Variants in ZNF577 observed in about 807,000 individuals in gnomAD.
ZNF577 encodes zinc finger protein 577.
Under a neutral mutation model 13.9 loss-of-function variants are expected in ZNF577, and 14 were observed. The ratio of observed to expected loss-of-function variants is 1.00; its 90% CI spans 0.66 to 1.57. The LOEUF (loss-of-function observed/expected upper bound fraction) is 1.57. Ranked by LOEUF, ZNF577 falls within the 40% of genes most tolerant of loss-of-function variation. ZNF577 has a pLI of 0.00. For synonymous variants in ZNF577, 203 were observed against 202.9 expected (o/e 1.00, Z 0.00); for missense variants, 555 against 579.2 (o/e 0.96, Z 0.43).
intron 9 of ZNF577, among the ~76,000 whole-genome samples, chr19:51,830,738 C>G (rs932675787): frequency 1.3e-5 from 2 of 152,162 alleles, no homozygotes; most frequent in Non-Finnish European, 2.9e-5. Flanking sequence ...ATCTCCTTGA[C>G]TGGCTCTTTT....
At chr19:51,814,680 G>C (rs543207977) in intron 9 of ZNF577, among the ~76,000 whole-genome samples, 15 of 152,244 alleles carry the variant, frequency 9.9e-5, no homozygotes, top group African/African-American at 3.6e-4. Context: ...TTTTAGTAAA[G>C]ATGGGTTTTC....
chr19:51,854,521 A>T (rs1292848087), intron 5 of ZNF577, among the ~76,000 whole-genome samples: 5 of 73,350 alleles, frequency 6.8e-5, no homozygotes, highest in East Asian at 3.4e-4. Flanking sequence ...TTTTTTAGAG[A>T]TGGGGTCTCG....
chr19:51,804,796 CAAG>C (rs1173881816), downstream of ZNF577: 1 of 152,092 alleles, frequency 6.6e-6, no homozygotes, highest in Non-Finnish European at 1.5e-5. Context: ...GAATAAAAGA[CAAG>C]AGACAAAAGA....
Position 51,868,841 on chromosome 19 carries a change from T to C in ZNF577, c.*3691A>G, listed in dbSNP as rs1235482733. ...ATGCTGTTAATCTGTAACCCTAGCC[T>C]CAACCCTGTGCTCGCAGAAACATGT... On this transcript the variant is annotated 3_prime_UTR_variant, in exon 6 of 6. Transcript: ENST00000638348. Among the ~76,000 whole-genome samples, 1 of 152,214 alleles carries C rather than the reference T, an allele frequency of 6.6e-6. No homozygotes were observed. Among genetic ancestry groups the C allele is most frequent in the Non-Finnish European group, 1.5e-5 (1 of 68,032 alleles).
chr19:51,873,494 C>T lies in ZNF577; in HGVS notation c.496G>A (p.Ala166Thr). Reference protein sequence around the residue: ...KPHECSVCGRAFSRKAQLIQH... With the variant: ...KPHECSVCGRTFSRKAQLIQH... ...ATAAGCTGTGCTTTCCTGGAGAAGG[C>T]TCTCCCGCACACACTGCATTCATGT... Residue 166 changes from alanine to threonine, a missense_variant, in exon 6 of 6, where the codon GCC becomes ACC. Physicochemically the swap from Ala to Thr is moderately conservative, Grantham distance 58. Coordinates refer to ENST00000638348, the MANE Select transcript of ZNF577 (RefSeq NM_001370449.1). 2 of 1,614,206 alleles carry T rather than the reference C, an allele frequency of 1.2e-6. No individual in the cohort carries two copies. The highest frequency in any genetic ancestry group is 1.1e-5 in the South Asian group (1 of 91,090).
intron 5 of ZNF577, among the ~76,000 whole-genome samples, chr19:51,859,404 C>G (rs1378126625): frequency 6.6e-6 from 1 of 152,088 alleles, no homozygotes; most frequent in Non-Finnish European, 1.5e-5. Context: ...CTGGATTTAA[C>G]TTTTTGAGGA....
chr19:51,845,968 C>T (rs2084349168), intron 5 of ZNF577, among the ~76,000 whole-genome samples: 1 of 152,090 alleles, frequency 6.6e-6, no homozygotes. Context: ...GATTTCATTT[C>T]CTTTCGATAT....
Position 51,869,050 on chromosome 19 carries a change from G to A in ZNF577, c.*3482C>T, listed in dbSNP as rs1044131963. ...CAAGAAAGCCTGGGTATCGTCCAAG[G>A]TTTCTCCCCACTGAGACAGCCTGAG... On this transcript the variant is annotated 3_prime_UTR_variant, in exon 6 of 6. Transcript: ENST00000638348. 2.0e-5 allele frequency among the ~76,000 whole-genome samples: 3 copies of A among 152,188 alleles called. No homozygotes were observed. The highest frequency in any genetic ancestry group is 4.4e-5 in the Non-Finnish European group (3 of 68,038).
intron 5 of ZNF577, among the ~76,000 whole-genome samples, chr19:51,875,363 CA>C (rs538987406): frequency 1.3e-3 from 80 of 63,784 alleles, no homozygotes; most frequent in Middle Eastern, 8.3e-3. Context: ...AACTCTGTCA[CA>C]AAAAAAAAAA....
intron 5 of ZNF577, among the ~76,000 whole-genome samples, chr19:51,853,569 C>T (rs1337236821): frequency 6.6e-6 from 1 of 152,204 alleles, no homozygotes; most frequent in Non-Finnish European, 1.5e-5. Context: ...AGGATAACGG[C>T]TGTTCAGCTT....
intron 8 of ZNF577, among the ~76,000 whole-genome samples, chr19:51,841,142 C>A (rs1001373294): frequency 1.3e-5 from 2 of 152,202 alleles, no homozygotes; most frequent in Non-Finnish European, 2.9e-5. Flanking sequence ...TTATCATATT[C>A]TGCTGGGAGA....
rs897924336 is a variant in ZNF577, at chr19:51,887,717, G to C, written c.-1115C>G. On this transcript the variant is annotated 5_prime_UTR_variant, in exon 1 of 6. Transcript: ENST00000638348. Reference sequence around the variant, plus strand: ...CCAACACGACTGCGAAACGAACTCCGAGCGAGGACTCCCCGAGAGCTCCCC... The same window carrying C: ...CCAACACGACTGCGAAACGAACTCCCAGCGAGGACTCCCCGAGAGCTCCCC... 1.3e-5 allele frequency: 2 copies of C among 151,972 alleles called. No individual in the cohort carries two copies. The highest frequency in any genetic ancestry group is 4.8e-5 in the African/African-American group (2 of 41,384). The allele number at this position is 151,972 out of a possible 1,614,324, so 9.4% of individuals were successfully genotyped here. A position where few individuals can be genotyped will look rare whatever the true frequency, so the allele number is the denominator to read the frequency against.
At chr19:51,831,273 C>A (rs923068358) in intron 9 of ZNF577, among the ~76,000 whole-genome samples, 3 of 152,010 alleles carry the variant, frequency 2.0e-5, no homozygotes, top group East Asian at 3.9e-4. Context: ...CATGCCACCC[C>A]GCCTGGCTAA....
chr19:51,876,260 G>C (rs905725904), intron 5 of ZNF577, among the ~76,000 whole-genome samples: 4 of 152,166 alleles, frequency 2.6e-5, no homozygotes, highest in African/African-American at 9.7e-5. Flanking sequence ...CTGGGAGAAA[G>C]GAGGATTCTG....
At chr19:51,857,161 T>C (rs934506472) in intron 5 of ZNF577, among the ~76,000 whole-genome samples, 2 of 152,008 alleles carry the variant, frequency 1.3e-5, no homozygotes, top group Non-Finnish European at 2.9e-5. Context: ...TATCTGGGTG[T>C]GATGGCGCAC....
chr19:51,831,981 C>T (rs1156757186), intron 9 of ZNF577, among the ~76,000 whole-genome samples: 1 of 152,162 alleles, frequency 6.6e-6, no homozygotes, highest in Non-Finnish European at 1.5e-5. Flanking sequence ...TTCTGAGTCC[C>T]TAAGATAACG....
chr19:51,869,617 G>T lies in ZNF577; in HGVS notation c.*2915C>A, dbSNP rs1345415202. On this transcript the variant is annotated 3_prime_UTR_variant, in exon 6 of 6. Transcript: ENST00000638348. ...TGTTCTTTCTCTACTTTGTCTCTGTGTCTTATTTCTTATTTCTTTTCTCAG... is the reference window on the plus strand; with the variant it reads ...TGTTCTTTCTCTACTTTGTCTCTGTTTCTTATTTCTTATTTCTTTTCTCAG... Among the ~76,000 whole-genome samples, 1 of 152,044 alleles carries T rather than the reference G, an allele frequency of 6.6e-6. No individual in the cohort carries two copies. Among genetic ancestry groups the T allele is most frequent in the Non-Finnish European group, 1.5e-5 (1 of 68,008 alleles).
intron 1 of ZNF577, among the ~76,000 whole-genome samples, chr19:51,885,475 A>C (rs535818033): frequency 4.3e-4 from 65 of 151,876 alleles, no homozygotes; most frequent in Non-Finnish European, 9.1e-4. Flanking sequence ...TGTCTAGCAT[A>C]CTCCATTCCT....
chr19:51,844,311 G>C (rs12327658), intron 6 of ZNF577, among the ~76,000 whole-genome samples: 30 of 152,060 alleles, frequency 2.0e-4, no homozygotes, highest in African/African-American at 7.2e-4. Flanking sequence ...TTTCCTTAAA[G>C]ATTACTGTTC....
Sources: allele counts gnomAD v4.1 joint callset (sites outside exome capture counted in the v4.1 genomes callset), GRCh38; gene constraint gnomAD v4.1.1; transcripts MANE v1.5; gene names NCBI Gene and HGNC (gene_info 2026-07-23, HGNC 2026-07-21).